The following NUDT6 variants were observed in gnomAD, a reference collection of about 807,000 sequenced individuals.
NUDT6 encodes nudix hydrolase 6, also known as FAD diphosphatase NUDT6.
NUDT6 carries 24 observed loss-of-function variants against 36.8 expected under a neutral mutation model. The observed-to-expected ratio is 0.65, with a 90% CI of 0.47 to 0.92. NUDT6 has a LOEUF of 0.92. Among genes scored for constraint, NUDT6 ranks in the 40% least tolerant of loss-of-function variants. The probability of loss-of-function intolerance (pLI) is 0.00; values close to 1 mark genes in which losing one functional copy is unlikely to be tolerated. For missense variants in NUDT6, 388 were observed against 392.8 expected (o/e 0.99, Z 0.10); for synonymous variants, 163 against 157.0 (o/e 1.04, Z -0.29).
chr4:122,895,008 C>G (rs1290777705), intron 4 of NUDT6: 1 of 152,186 alleles, frequency 6.6e-6, no homozygotes, highest in Non-Finnish European at 1.5e-5. Flanking sequence ...GCTCAGCAGT[C>G]ACCATAGCAG....
Position 122,893,230 on chromosome 4 carries a change from G to T in NUDT6, c.554-5C>A, listed in dbSNP as rs45625032. ...CTTCTCGAACCGCTGTGTCTCCTAC[G>T]TAAAAAAAGAGATGTACAAATCAAT... On this transcript the variant is annotated splice_region_variant and splice_polypyrimidine_tract_variant and intron_variant, in intron 4 of 4. Coordinates refer to ENST00000304430, the MANE Select transcript of NUDT6 (RefSeq NM_007083.5). 12,870 of 1,582,192 alleles carry T rather than the reference G, an allele frequency of 8.1e-3. 821 individuals are homozygous for T. The African/African-American group carries it at 0.14, about 18-fold the overall frequency.
At chr4:122,918,470 G>A (rs955751041) in intron 1 of NUDT6, 1 of 152,058 alleles carries the variant, frequency 6.6e-6, no homozygotes, top group Non-Finnish European at 1.5e-5. Context: ...TAAGTTTATG[G>A]GTGAAGAAAT....
chr4:122,900,067 C>CCCT (rs1727487067), intron 3 of NUDT6, among the ~76,000 whole-genome samples: 5 of 131,850 alleles, frequency 3.8e-5, no homozygotes, highest in South Asian at 5.6e-4. Flanking sequence ...ACCCCCCCCC[C>CCCT]GGCCCCCACC....
At chr4:122,919,696 A>G (rs949772213) in intron 1 of NUDT6, 1 of 152,150 alleles carries the variant, frequency 6.6e-6, no homozygotes, top group Non-Finnish European at 1.5e-5. Flanking sequence ...AGTCCAGCTC[A>G]TATTCCACAT....
chr4:122,922,623 G>A (rs1453683361), upstream of NUDT6: 2 of 1,487,856 alleles, frequency 1.3e-6, no homozygotes, highest in African/African-American at 1.4e-5. Flanking sequence ...CCGCGCTCCA[G>A]AGCGGAGATC....
intron 3 of NUDT6, among the ~76,000 whole-genome samples, chr4:122,905,418 C>T (rs958695291): frequency 4.6e-5 from 7 of 152,122 alleles, no homozygotes; most frequent in Non-Finnish European, 8.8e-5. Flanking sequence ...GCATATTTTA[C>T]TCAGTAGGTT....
At chr4:122,900,821 T>G (rs1379574924) in intron 3 of NUDT6, among the ~76,000 whole-genome samples, 2 of 152,150 alleles carry the variant, frequency 1.3e-5, no homozygotes, top group African/African-American at 4.8e-5. Context: ...CAAATGTCTT[T>G]GTATCTATCT....
chr4:122,919,668 C>G (rs991550450), intron 1 of NUDT6: 2 of 152,276 alleles, frequency 1.3e-5, no homozygotes, highest in Non-Finnish European at 2.9e-5. Flanking sequence ...ATTCCCATTG[C>G]TAATATCTAT....
rs376495530 is a variant in NUDT6, at chr4:122,917,661, C to T, written c.282G>A (p.Trp94Ter). 17 of 1,614,054 alleles carry T rather than the reference C, an allele frequency of 1.1e-5. No homozygotes were observed. The highest frequency in any genetic ancestry group is 8.0e-5 in the African/African-American group (6 of 74,924). The change falls in exon 2 of 5, where the codon TGG becomes TGA. Residue 94 changes from tryptophan (W) to a stop codon, truncating the protein, a stop_gained. Coordinates refer to ENST00000304430, the MANE Select transcript of NUDT6 (RefSeq NM_007083.5). LOFTEE classifies it high-confidence loss of function. ...QWRSEGRTAV[W>*]LHIPILQSRF... is the part of the protein sequence containing the mutation. ...GGCTTTGGAGGATGGGAATGTGCAG[C>T]CATACAGCTGTTCTACCTTCTGATC...
intron 1 of NUDT6, chr4:122,918,064 T>C (rs1321716285): frequency 3.0e-5 from 6 of 200,336 alleles, no homozygotes; most frequent in Admixed American, 2.1e-4. Context: ...TTAACATCCT[T>C]AGGTTTAATC....
At chr4:122,900,396 T>C (rs1727496853) in intron 3 of NUDT6, among the ~76,000 whole-genome samples, 1 of 150,188 alleles carries the variant, frequency 6.7e-6, no homozygotes, top group African/African-American at 2.5e-5. Context: ...CTTCCAGCCT[T>C]CCAAGAAGGT....
chr4:122,912,591 G>T lies in NUDT6; in HGVS notation c.475C>A (p.Leu159Met). 6.3e-7 allele frequency: 1 copy of T among 1,592,950 alleles called. No homozygotes were observed. Among genetic ancestry groups the T allele is most frequent in the Non-Finnish European group, 8.6e-7 (1 of 1,161,626 alleles). ...ACTTTATTTCGATCTTGTACAACCA[G>T]TATTTTTCTAGTACTTTCATCAAAT... ...AVFDESTRKI[L>M]VVQDRNKLKN... Residue 159 changes from leucine to methionine, a missense_variant, in exon 3 of 5, where the codon CTG becomes ATG. Transcript: ENST00000304430.
At chr4:122,915,828 A>T (rs1252403970) in intron 2 of NUDT6, among the ~76,000 whole-genome samples, 1 of 152,170 alleles carries the variant, frequency 6.6e-6, no homozygotes, top group Non-Finnish European at 1.5e-5. Flanking sequence ...GAATCTTTTG[A>T]AATAGAGCTG....
intron 2 of NUDT6, among the ~76,000 whole-genome samples, chr4:122,914,733 G>T (rs957007979): frequency 5.9e-5 from 9 of 151,958 alleles, no homozygotes; most frequent in African/African-American, 2.2e-4. Flanking sequence ...TTCTCTCTCA[G>T]AAGACTCACA....
At chr4:122,899,044 A>ATTTTTTTTTTTTTTTTTCTT (rs113708696) in intron 3 of NUDT6, among the ~76,000 whole-genome samples, 1 of 69,428 alleles carries the variant, frequency 1.4e-5, no homozygotes, top group Admixed American at 1.9e-4. Flanking sequence ...ACCACACCTA[A>ATTTTTTTTTTTTTTTTTCTT]TTTTTTTTTT....
At chr4:122,921,615 A>AACC (rs1560776833) in intron 1 of NUDT6, 1 of 132,656 alleles carries the variant, frequency 7.5e-6, no homozygotes, top group African/African-American at 2.9e-5. Flanking sequence ...AAAAAAAAAA[A>AACC]AAACAAACTG....
chr4:122,922,493 C>G lies in NUDT6; in HGVS notation c.80G>C (p.Arg27Pro). 1.2e-6 allele frequency: 2 copies of G among 1,610,754 alleles called. No homozygotes were observed. Among genetic ancestry groups the G allele is most frequent in the Non-Finnish European group, 1.7e-6 (2 of 1,179,740 alleles). The change falls in exon 1 of 5, where the codon CGC becomes CCC. Residue 27 changes from arginine (R) to proline (P), a missense_variant. Transcript: ENST00000304430. ...GTAACCCTGTGCGCCCGAGGCCCAG[C>G]GGTAACCCGCCGAAGGCCCGGGGCC... ...TYGPGPSAGY[R>P]WASGAQGYVR...
chr4:122,904,906 T>G (rs937024204), intron 3 of NUDT6, among the ~76,000 whole-genome samples: 1 of 152,188 alleles, frequency 6.6e-6, no homozygotes, highest in Non-Finnish European at 1.5e-5. Context: ...TTGGTCTCAC[T>G]GACTTCAAGA....
intron 3 of NUDT6, 30 bp from the exon 4 acceptor site, chr4:122,897,708 A>T: frequency 2.1e-6 from 3 of 1,462,118 alleles, no homozygotes; most frequent in Non-Finnish European, 2.9e-6. Context: ...AATAAAGTTA[A>T]CATAACTTTC....
Sources: gnomAD v4.1 joint callset for allele counts (sites outside exome capture counted in the v4.1 genomes callset) on GRCh38, gnomAD v4.1.1 for gene constraint, MANE v1.5 for transcripts, NCBI Gene and HGNC (gene_info 2026-07-23, HGNC 2026-07-21) for gene names.